The following C2orf76 variants were observed in gnomAD, a reference collection of about 807,000 sequenced individuals.
C2orf76 encodes the protein UPF0538 protein C2orf76.
In C2orf76, 23 loss-of-function variants were observed where a neutral mutation model predicts 16.9. The ratio of observed to expected loss-of-function variants is 1.36; its 90% CI spans 0.98 to 1.93. C2orf76 has a LOEUF of 1.93. Among genes scored for constraint, C2orf76 ranks in the 30% most tolerant of loss-of-function variants. The pLI is 0.00. For synonymous variants in C2orf76, 48 were observed against 52.3 expected (o/e 0.92, Z 0.35); for missense variants, 152 against 152.6 (o/e 1.00, Z 0.02).
intron 3 of C2orf76, among the ~76,000 whole-genome samples, chr2:119,317,762 A>G (rs916381634): frequency 6.6e-6 from 1 of 152,136 alleles, no homozygotes; most frequent in Non-Finnish European, 1.5e-5. Context: ...TTGTCAACTC[A>G]GCACATTTTT....
At chr2:119,358,579 A>G (rs912628117) in intron 1 of C2orf76, among the ~76,000 whole-genome samples, 2 of 67,468 alleles carry the variant, frequency 3.0e-5, no homozygotes, top group Non-Finnish European at 3.1e-5. Context: ...CTCTGTCTCA[A>G]AAAAAAAAAA....
chr2:119,327,336 ATTTT>A lies in C2orf76; in HGVS notation c.134-6136_134-6133del, dbSNP rs34185420. Among the ~76,000 whole-genome samples, 254 of 68,668 alleles carry A rather than the reference ATTTT, an allele frequency of 3.7e-3. 1 individual carries two copies. The highest frequency in any genetic ancestry group is 0.014 in the African/African-American group (237 of 16,802). 45.0% of individuals were successfully genotyped at this position (68,668 alleles called of 152,430 possible). A position where few individuals can be genotyped will look rare whatever the true frequency, so the allele number is the denominator to read the frequency against. ...ACTATTAATATGATGAATTACATGG[ATTTT>A]TTTTTTTTTTTTTTTTTTTTTTGGT... On this transcript the variant is annotated intron_variant, in intron 2 of 5. Transcript: ENST00000334816.
At chr2:119,327,099 G>T (rs1295619666) in intron 2 of C2orf76, among the ~76,000 whole-genome samples, 1 of 152,108 alleles carries the variant, frequency 6.6e-6, no homozygotes, top group Non-Finnish European at 1.5e-5. Context: ...ATGTTGAATA[G>T]CAGTGATGAT....
At chr2:119,297,940 T>C (rs1037953213), downstream of C2orf76, among the ~76,000 whole-genome samples, 1 of 152,128 alleles carries the variant, frequency 6.6e-6, no homozygotes, top group African/African-American at 2.4e-5. Context: ...TTTTTCTGCT[T>C]CTTTTGATTT....
intron 4 of C2orf76, among the ~76,000 whole-genome samples, chr2:119,314,867 A>G (rs1679115612): frequency 2.6e-5 from 4 of 152,188 alleles, no homozygotes; most frequent in Admixed American, 2.0e-4. Flanking sequence ...GAACTCTCAT[A>G]GCAGGTTTTG....
At chr2:119,317,432 G>C in intron 4 of C2orf76, 34 bp downstream of exon 4, 1 of 1,486,424 alleles carries the variant, frequency 6.7e-7, no homozygotes, top group Non-Finnish European at 9.2e-7. Context: ...TTGATTACTT[G>C]CTATGTGCCA....
chr2:119,340,162 T>C, intron 1 of C2orf76, 191 bp from the exon 2 acceptor site: 1 of 513,666 alleles, frequency 1.9e-6, no homozygotes, highest in Non-Finnish European at 3.5e-6. Context: ...TACCCACCTA[T>C]CCACTGCAAT....
chr2:119,315,007 G>C (rs1357997137), intron 4 of C2orf76, among the ~76,000 whole-genome samples: 1 of 152,142 alleles, frequency 6.6e-6, no homozygotes, highest in Non-Finnish European at 1.5e-5. Context: ...GTGTGGTGAG[G>C]GGTGAGGAAG....
intron 1 of C2orf76, 158 bp downstream of exon 1, chr2:119,366,632 A>C: frequency 2.4e-6 from 1 of 413,078 alleles, no homozygotes; most frequent in Non-Finnish European, 4.7e-6. Flanking sequence ...AGGCCGGGCA[A>C]GATTTAAGGA....
the C2orf76 span, among the ~76,000 whole-genome samples, chr2:119,291,992 C>G: frequency 2.0e-5 from 3 of 152,120 alleles, no homozygotes; most frequent in Non-Finnish European, 4.4e-5. Context: ...AAGCTAGCAA[C>G]AATGCCTGTG....
chr2:119,294,239 G>A, the C2orf76 span, among the ~76,000 whole-genome samples: 1 of 152,168 alleles, frequency 6.6e-6, no homozygotes, highest in Non-Finnish European at 1.5e-5. Flanking sequence ...GTCCAGCACT[G>A]CTGAGAGGTG....
chr2:119,342,952 T>C (rs1680082336), intron 1 of C2orf76, among the ~76,000 whole-genome samples: 1 of 152,064 alleles, frequency 6.6e-6, no homozygotes, highest in Non-Finnish European at 1.5e-5. Flanking sequence ...GTATTTTTAG[T>C]AGAGATGGGG....
chr2:119,342,720 T>C (rs1680073152), intron 1 of C2orf76, among the ~76,000 whole-genome samples: 1 of 152,188 alleles, frequency 6.6e-6, no homozygotes, highest in African/African-American at 2.4e-5. Context: ...TTAGTAACAT[T>C]TTATATCTTA....
intron 2 of C2orf76, among the ~76,000 whole-genome samples, chr2:119,336,338 C>T (rs1040284596): frequency 2.0e-5 from 3 of 151,930 alleles, no homozygotes; most frequent in South Asian, 2.1e-4. Context: ...GGTTGTTAGC[C>T]GAGACCACGC....
intron 5 of C2orf76, among the ~76,000 whole-genome samples, chr2:119,308,627 C>A (rs992948042): frequency 6.6e-6 from 1 of 152,106 alleles, no homozygotes; most frequent in Non-Finnish European, 1.5e-5. Context: ...GGCGACAGAG[C>A]AAGACTCTGG....
At chr2:119,292,435 A>C in the C2orf76 span, among the ~76,000 whole-genome samples, 1 of 152,188 alleles carries the variant, frequency 6.6e-6, no homozygotes, top group Non-Finnish European at 1.5e-5. Context: ...GCAGAGCCCT[A>C]GCGGCAGAAA....
chr2:119,348,957 A>G (rs755195549), intron 1 of C2orf76, among the ~76,000 whole-genome samples: 3 of 152,260 alleles, frequency 2.0e-5, no homozygotes, highest in Admixed American at 6.5e-5. Flanking sequence ...ACTGCACTCC[A>G]GCCTGGGAGA....
intron 1 of C2orf76, among the ~76,000 whole-genome samples, chr2:119,358,850 G>A (rs1573691767): frequency 6.6e-6 from 1 of 152,312 alleles, no homozygotes; most frequent in East Asian, 1.9e-4. Context: ...AGGTGCTGAT[G>A]TAGAAGCTGC....
intron 1 of C2orf76, among the ~76,000 whole-genome samples, chr2:119,353,565 T>C (rs1395347844): frequency 6.7e-6 from 1 of 149,992 alleles, no homozygotes; most frequent in African/African-American, 2.5e-5. Context: ...TCTTTTTTTT[T>C]TTTTTTTTTG....
Sources: allele counts gnomAD v4.1 joint callset (sites outside exome capture counted in the v4.1 genomes callset), GRCh38; gene constraint gnomAD v4.1.1; transcripts MANE v1.5; gene names NCBI Gene and HGNC (gene_info 2026-07-23, HGNC 2026-07-21).